GRM5: variants seen among roughly 807,000 people sequenced by gnomAD.
GRM5 encodes the protein glutamate metabotropic receptor 5, also known as metabotropic glutamate receptor 5.
GRM5 carries 19 observed loss-of-function variants against 83.1 expected under a neutral mutation model. The ratio of observed to expected loss-of-function variants is 0.23; its 90% CI spans 0.16 to 0.34. The LOEUF is 0.34. Among genes scored for constraint, GRM5 ranks in the 10% least tolerant of loss-of-function variants. GRM5 has a pLI of 1.00. For synonymous variants in GRM5, 675 were observed against 633.6 expected (o/e 1.07, Z -0.98); for missense variants, 1,160 against 1,588.3 (o/e 0.73, Z 4.58).
At chr11:88,804,530 C>T (rs959044725) in intron 3 of GRM5, among the ~76,000 whole-genome samples, 1 of 151,538 alleles carries the variant, frequency 6.6e-6, no homozygotes, top group African/African-American at 2.4e-5. Flanking sequence ...ACTCTGGGGA[C>T]TGTTGTGGGG....
At chr11:88,726,615 A>G (rs1591470098) in intron 3 of GRM5, among the ~76,000 whole-genome samples, 1 of 152,216 alleles carries the variant, frequency 6.6e-6, no homozygotes, top group East Asian at 1.9e-4. Context: ...GAAATGAAGG[A>G]ATAAATGTTA....
chr11:88,581,716 A>G lies in GRM5; in HGVS notation c.1690+8885T>C, dbSNP rs145058365. 3.3e-5 allele frequency among the ~76,000 whole-genome samples: 5 copies of G among 150,728 alleles called. No individual in the cohort carries two copies. In the East Asian group the frequency reaches 8.2e-4, roughly 25 times the overall value. On this transcript the variant is annotated intron_variant, in intron 7 of 9. Transcript: ENST00000305447. ...TCACTTTCTTTTACAGCTGATCACCATTATGATGTTTGGTATTTAGGAAAG... is the reference window on the plus strand; with the variant it reads ...TCACTTTCTTTTACAGCTGATCACCGTTATGATGTTTGGTATTTAGGAAAG...
intron 2 of GRM5, among the ~76,000 whole-genome samples, chr11:89,020,237 T>C (rs1940949677): frequency 1.3e-5 from 2 of 152,204 alleles, no homozygotes; most frequent in African/African-American, 2.4e-5. Context: ...GAATTGGAAT[T>C]TAAGCCCAGG....
Position 88,885,450 on chromosome 11 carries a change from GTTTTTTTTTT to G in GRM5, c.662-35305_662-35296del, listed in dbSNP as rs61456975. 5.9e-4 allele frequency among the ~76,000 whole-genome samples: 37 copies of G among 62,664 alleles called. 4 individuals carry two copies. Among genetic ancestry groups the G allele is most frequent in the African/African-American group, 1.9e-3 (32 of 16,892 alleles). 41.1% of individuals were successfully genotyped at this position (62,664 alleles called of 152,430 possible). ...TTCTGAATTCTATAGTAGGTACCAT[GTTTTTTTTTT>G]TTTTTTTTTTTTTTTTTTTTTTTTT... is the stretch of plus-strand genomic sequence containing the variant. On this transcript the variant is annotated intron_variant, in intron 2 of 9. Coordinates refer to ENST00000305447, the MANE Select transcript of GRM5 (RefSeq NM_001143831.3).
At chr11:88,715,877 A>G (rs1941389140) in intron 3 of GRM5, among the ~76,000 whole-genome samples, 1 of 152,104 alleles carries the variant, frequency 6.6e-6, no homozygotes, top group Middle Eastern at 3.4e-3. Context: ...GTTTGCTGAA[A>G]GAACCGAATT....
intron 2 of GRM5, among the ~76,000 whole-genome samples, chr11:88,880,750 A>G (rs1191456673): frequency 6.6e-6 from 1 of 152,168 alleles, no homozygotes; most frequent in African/African-American, 2.4e-5. Flanking sequence ...AGGAAGCAAG[A>G]TTTACTGACA....
At chr11:88,559,219 G>A (rs569560063) in intron 8 of GRM5, among the ~76,000 whole-genome samples, 18 of 152,224 alleles carry the variant, frequency 1.2e-4, no homozygotes, top group African/African-American at 3.9e-4. Flanking sequence ...AGGATATGAT[G>A]GAATCAGAAG....
At chr11:88,844,060 A>C (rs1035334382) in intron 3 of GRM5, among the ~76,000 whole-genome samples, 8 of 152,210 alleles carry the variant, frequency 5.3e-5, no homozygotes, top group East Asian at 3.8e-4. Context: ...CAATGCAGAC[A>C]AAACAGCCTT....
intron 4 of GRM5, among the ~76,000 whole-genome samples, chr11:88,614,203 T>C (rs1591383168): frequency 6.6e-6 from 1 of 152,332 alleles, no homozygotes; most frequent in African/African-American, 2.4e-5. Flanking sequence ...AATCCTGTTA[T>C]GTGTCTTCCT....
chr11:88,753,785 A>C (rs1379367853), intron 3 of GRM5, among the ~76,000 whole-genome samples: 1 of 152,160 alleles, frequency 6.6e-6, no homozygotes, highest in African/African-American at 2.4e-5. Context: ...TTTACAAAAG[A>C]AAAAGGTTTA....
intron 3 of GRM5, among the ~76,000 whole-genome samples, chr11:88,706,353 G>A (rs559632160): frequency 1.3e-5 from 2 of 152,002 alleles, no homozygotes; most frequent in Non-Finnish European, 2.9e-5. Flanking sequence ...CAACATCTGT[G>A]TTCTGGCATT....
intron 2 of GRM5, among the ~76,000 whole-genome samples, chr11:88,989,081 T>A (rs1195161202): frequency 6.6e-6 from 1 of 150,912 alleles, no homozygotes; most frequent in Non-Finnish European, 1.5e-5. Context: ...GGATGAAGAG[T>A]CAAGACCCAT....
At chr11:89,045,394 C>A (rs1293306029) in intron 2 of GRM5, among the ~76,000 whole-genome samples, 1 of 152,064 alleles carries the variant, frequency 6.6e-6, no homozygotes, top group Non-Finnish European at 1.5e-5. Flanking sequence ...GAGAACAATT[C>A]TATGAAGATC....
In GRM5 at chr11:88,804,681, TATA is replaced by T. The variant is rs1397453511; in HGVS notation, c.911+45222_911+45224del. ...TGCACATGTACCCTAAAACTTAAAG[TATA>T]ATAATAATAAAATAAAATAAAAAAA... On this transcript the variant is annotated intron_variant, in intron 3 of 9. Transcript: ENST00000305447. 4.6e-5 allele frequency among the ~76,000 whole-genome samples: 7 copies of T among 151,990 alleles called. No homozygotes were observed. In the East Asian group the frequency reaches 5.8e-4, roughly 13 times the overall value.
chr11:88,739,078 G>A (rs1941977402), intron 3 of GRM5, among the ~76,000 whole-genome samples: 1 of 151,964 alleles, frequency 6.6e-6, no homozygotes, highest in African/African-American at 2.4e-5. Context: ...ATAGCACATA[G>A]CATTGTTTAC....
intron 1 of GRM5, among the ~76,000 whole-genome samples, chr11:89,052,243 G>T (rs1408012188): frequency 6.6e-6 from 1 of 152,062 alleles, no homozygotes; most frequent in East Asian, 1.9e-4. Context: ...CAAATTGAGG[G>T]TCATCAATAT....
intron 2 of GRM5, among the ~76,000 whole-genome samples, chr11:88,905,332 A>C (rs912369117): frequency 5.9e-5 from 9 of 152,038 alleles, no homozygotes; most frequent in African/African-American, 9.7e-5. Flanking sequence ...TTTATTCATT[A>C]ATTCATTCAT....
At chr11:88,884,190 C>A (rs1210936474) in intron 2 of GRM5, among the ~76,000 whole-genome samples, 1 of 152,204 alleles carries the variant, frequency 6.6e-6, no homozygotes, top group Non-Finnish European at 1.5e-5. Context: ...TGCAAAGTCA[C>A]AGGGGCAGAG....
At position 88,956,158 on chromosome 11, in the gene GRM5, CT is replaced by C. The variant is rs1364374883; in HGVS notation, c.661+91053del. 2.0e-5 allele frequency among the ~76,000 whole-genome samples: 3 copies of C among 152,176 alleles called. No individual in the cohort carries two copies. The South Asian group carries it at 6.2e-4, about 31-fold the overall frequency. Reference sequence around the variant, plus strand: ...GAGTAGCAGATTGGCACAGAATCCCCTCAGCTTGAAAATTTTGTCGGAATAA... The same window carrying C: ...GAGTAGCAGATTGGCACAGAATCCCCCAGCTTGAAAATTTTGTCGGAATAA... On this transcript the variant is annotated intron_variant, in intron 2 of 9. Coordinates refer to ENST00000305447, the MANE Select transcript of GRM5 (RefSeq NM_001143831.3).
Sources: gnomAD v4.1 joint callset for allele counts (sites outside exome capture counted in the v4.1 genomes callset) on GRCh38, gnomAD v4.1.1 for gene constraint, MANE v1.5 for transcripts, NCBI Gene and HGNC (gene_info 2026-07-23, HGNC 2026-07-21) for gene names.